The following GPR108 variants were observed in gnomAD, a reference collection of about 807,000 sequenced individuals.
GPR108 encodes G protein-coupled receptor 108, also known as protein GPR108.
In GPR108, 60 loss-of-function variants were observed where a neutral mutation model predicts 74.3. That is an observed-to-expected ratio of 0.81 (90% CI 0.66 to 1.00). The LOEUF is 1.00. GPR108 is among the 50% of genes least tolerant of loss of function. GPR108 has a pLI of 0.00. For synonymous variants in GPR108, 311 were observed against 292.4 expected (o/e 1.06, Z -0.65); for missense variants, 667 against 703.3 (o/e 0.95, Z 0.58).
At position 6,734,384 on chromosome 19, in the gene GPR108, C is replaced by T. The variant is rs1968547642; in HGVS notation, c.375-77G>A. The T allele has an allele frequency of 2.1e-6, 3 of 1,442,748 alleles. No individual in the cohort carries two copies. In the South Asian group the frequency reaches 3.8e-5, roughly 18 times the overall value. 89.4% of individuals were successfully genotyped at this position (1,442,748 alleles called of 1,614,324 possible). A position where few individuals can be genotyped will look rare whatever the true frequency, so the allele number is the denominator to read the frequency against. On this transcript the variant is annotated intron_variant, in intron 4 of 17. Transcript: ENST00000264080. ...GGCACCGGCAAAGGACTCAGTGGCC[C>T]CTTGGACCCTCTGCGTGTCCTCCCT...
Position 6,731,614 on chromosome 19 carries a change from A to T in GPR108, c.1301-92T>A. On this transcript the variant is annotated intron_variant, in intron 14 of 17. Coordinates refer to ENST00000264080, the MANE Select transcript of GPR108 (RefSeq NM_001080452.2). Reference sequence around the variant, plus strand: ...GGCTGGGAGAGGTGACAAACAGAACATCTGAGGGAGTGTCCAGGAGCAGCA... The same window carrying T: ...GGCTGGGAGAGGTGACAAACAGAACTTCTGAGGGAGTGTCCAGGAGCAGCA... 5 of 1,072,138 alleles carry T rather than the reference A, an allele frequency of 4.7e-6. No homozygotes were observed. In the South Asian group the frequency reaches 8.2e-5, roughly 18 times the overall value. The allele number at this position is 1,072,138 out of a possible 1,614,324, so 66.4% of individuals were successfully genotyped here. A position where few individuals can be genotyped will look rare whatever the true frequency, so the allele number is the denominator to read the frequency against.
intron 1 of GPR108, chr19:6,737,212 C>T: frequency 3.7e-6 from 2 of 534,080 alleles, no homozygotes; most frequent in East Asian, 3.5e-5. Context: ...GGGTGTAGTC[C>T]CCAAGAGATG....
At chr19:6,731,764 G>A (rs566816686) in intron 14 of GPR108, 127 bp downstream of exon 14, 62 of 1,117,774 alleles carry the variant, frequency 5.5e-5, no homozygotes, top group Admixed American at 1.4e-4. Flanking sequence ...GCCAGACTGG[G>A]GCATCCAGGG....
At chr19:6,736,071 G>T (rs977039084) in intron 2 of GPR108, 113 bp from the exon 3 acceptor site, 13 of 894,810 alleles carry the variant, frequency 1.5e-5, no homozygotes, top group Non-Finnish European at 2.2e-5. Context: ...CCTAACATGT[G>T]CTAGATCCCA....
chr19:6,730,898 C>T, intron 17 of GPR108, 89 bp downstream of exon 17: 2 of 1,161,246 alleles, frequency 1.7e-6, no homozygotes, highest in Non-Finnish European at 2.5e-6. Context: ...CTGCTACAGT[C>T]CCTCCCCCCT....
In GPR108 at chr19:6,732,133, A is replaced by G. The variant is rs943059872; in HGVS notation, c.1148T>C (p.Ile383Thr). The part of the protein sequence containing the change: ...PMQVLANVAY[I>T]IIESREEGAS... ...GCCTTCCTCGCGGGACTCGATGATG[A>G]TGTAGGCCACGTTGGCCAGGACCTG... The change falls in exon 13 of 18, where the codon ATC becomes ACC. Residue 383 changes from isoleucine (I) to threonine (T), a missense_variant. Transcript: ENST00000264080. 10 of 1,612,790 alleles carry G rather than the reference A, an allele frequency of 6.2e-6. No individual in the cohort carries two copies. The highest frequency in any genetic ancestry group is 8.5e-6 in the Non-Finnish European group (10 of 1,179,314).
chr19:6,730,135 T>G lies in GPR108; in HGVS notation c.*177A>C. On this transcript the variant is annotated 3_prime_UTR_variant, in exon 18 of 18. Transcript: ENST00000264080. Reference sequence around the variant, plus strand: ...GGGGTAAGGACAGGGCTGCCCAATATTTGGGGGGAGGAAGGGACTCTTCTT... The same window carrying G: ...GGGGTAAGGACAGGGCTGCCCAATAGTTGGGGGGAGGAAGGGACTCTTCTT... 1 of 630,606 alleles carries G rather than the reference T, an allele frequency of 1.6e-6. No individual in the cohort carries two copies. The highest frequency in any genetic ancestry group is 2.8e-5 in the East Asian group (1 of 36,050). The allele number at this position is 630,606 out of a possible 1,614,324, so 39.1% of individuals were successfully genotyped here.
chr19:6,733,727 G>C, intron 7 of GPR108, 53 bp from the exon 8 acceptor site: 1 of 1,586,008 alleles, frequency 6.3e-7, no homozygotes, highest in Non-Finnish European at 8.7e-7. Flanking sequence ...GTGGTCTGGG[G>C]CGACAATCAG....
rs1248783369 is a variant in GPR108, at chr19:6,733,280, G to A, written c.745C>T (p.Pro249Ser). The A allele has an allele frequency of 6.2e-7, 1 of 1,613,488 alleles. No homozygotes were observed. The change falls in exon 9 of 18, where the codon CCC (proline) becomes TCC (serine). Residue 249 changes from proline (P) to serine (S), a missense_variant. Transcript: ENST00000264080. ...DITVMIREKN[P>S]DGFLSAAEMP... ...TCCGCTGCCGACAGGAAGCCATCGG[G>A]GTTCTTCTCCCGGATCATCACCTGC...
In GPR108 at chr19:6,737,541, C is replaced by G; in HGVS notation, c.36G>C (p.Gly12=). 6.5e-7 allele frequency: 1 copy of G among 1,549,674 alleles called. No homozygotes were observed. The highest frequency in any genetic ancestry group is 1.2e-5 in the South Asian group (1 of 86,062). ...AVSERRGLGR[G]SPAEWGQRLL... ...GCCGCTGCCCCCACTCCGCGGGGCT[C>G]CCGCGGCCGAGCCCCCTCCTCTCGC... Residue 12 remains glycine (G), a synonymous_variant, in exon 1 of 18, where the codon GGG becomes GGC. Coordinates refer to ENST00000264080, the MANE Select transcript of GPR108 (RefSeq NM_001080452.2).
intron 15 of GPR108, 32 bp from the exon 16 acceptor site, chr19:6,731,314 A>G: frequency 6.5e-7 from 1 of 1,529,962 alleles, no homozygotes; most frequent in Non-Finnish European, 8.8e-7. Flanking sequence ...TGGGGCCAGG[A>G]CTGTAGGGGC....
intron 2 of GPR108, 82 bp downstream of exon 2, chr19:6,736,510 C>T (rs974500262): frequency 2.1e-6 from 3 of 1,398,582 alleles, no homozygotes; most frequent in East Asian, 2.5e-5. Context: ...TACAAGATCA[C>T]ATGGGTAGCG....
At position 6,736,665 on chromosome 19, in the gene GPR108, G is replaced by A. The variant is rs746281136; in HGVS notation, c.167C>T (p.Thr56Ile). 3 of 1,614,088 alleles carry A rather than the reference G, an allele frequency of 1.9e-6. No homozygotes were observed. Among genetic ancestry groups the A allele is most frequent in the South Asian group, 2.2e-5 (2 of 91,082 alleles). The stretch of plus-strand genomic sequence containing the variant: ...CAACTCCACCTCCAGAGAGCCATTG[G>A]TGTAGAAACCGAAGCTGTTCAGCTG... ...DIQLNSFGFY[T>I]NGSLEVELSV... The change falls in exon 2 of 18, where the codon ACC becomes ATC. Residue 56 changes from threonine (T) to isoleucine (I), a missense_variant. Physicochemically the swap from Thr to Ile is moderately conservative, Grantham distance 89. Coordinates refer to ENST00000264080, the MANE Select transcript of GPR108 (RefSeq NM_001080452.2).
chr19:6,737,521 T>G lies in GPR108; in HGVS notation c.56A>C (p.Gln19Pro), dbSNP rs1968689696. The G allele has an allele frequency of 6.4e-7, 1 of 1,573,384 alleles. No homozygotes were observed. The highest frequency in any genetic ancestry group is 8.6e-7 in the Non-Finnish European group (1 of 1,167,216). ...LGRGSPAEWG[Q>P]RLLLVLLLGG... ...CAGCAGCAGCACCAGAAGTAGCCGC[T>G]GCCCCCACTCCGCGGGGCTCCCGCG... The change falls in exon 1 of 18, where the codon CAG becomes CCG. Residue 19 changes from glutamine to proline, a missense_variant. Coordinates refer to ENST00000264080, the MANE Select transcript of GPR108 (RefSeq NM_001080452.2).
chr19:6,735,546 A>T, intron 4 of GPR108, 76 bp downstream of exon 4: 1 of 1,223,280 alleles, frequency 8.2e-7, no homozygotes, highest in Non-Finnish European at 1.2e-6. Context: ...CCACCTGATC[A>T]GCCCAGGTGC....
At chr19:6,736,809 C>T in intron 1 of GPR108, 98 bp from the exon 2 acceptor site, 2 of 1,542,160 alleles carry the variant, frequency 1.3e-6, no homozygotes, top group Non-Finnish European at 1.8e-6. Flanking sequence ...CCTCCTGGTA[C>T]CCCTCTATTT....
At chr19:6,734,336 G>T (rs370198626) in intron 4 of GPR108, 29 bp from the exon 5 acceptor site, 1 of 1,604,950 alleles carries the variant, frequency 6.2e-7, no homozygotes, top group Non-Finnish European at 8.5e-7. Flanking sequence ...GGGGCATGAG[G>T]CTGGGGGGCT....
At chr19:6,731,322 G>T in intron 15 of GPR108, 40 bp from the exon 16 acceptor site, 1 of 1,522,372 alleles carries the variant, frequency 6.6e-7, no homozygotes. Flanking sequence ...GGACTGTAGG[G>T]GCACGGGCAG....
chr19:6,732,550 C>T lies in GPR108; in HGVS notation c.934-1G>A. 1 of 1,612,738 alleles carries T rather than the reference C, an allele frequency of 6.2e-7. No individual in the cohort carries two copies. The highest frequency in any genetic ancestry group is 1.7e-5 in the Admixed American group (1 of 59,972). ...GGCTGTTGATGAAGTAGTAGTTGAT[C>T]TGGGGGTGGATGGACAGACGGACAG... On this transcript the variant is annotated splice_acceptor_variant, in intron 10 of 17. Transcript: ENST00000264080. LOFTEE classifies it high-confidence loss of function.
Sources: allele counts gnomAD v4.1 joint callset, GRCh38; gene constraint gnomAD v4.1.1; transcripts MANE v1.5; gene names NCBI Gene and HGNC (gene_info 2026-07-23, HGNC 2026-07-21).